The following ARHGAP20 variants were observed in gnomAD, a reference collection of about 807,000 sequenced individuals.
ARHGAP20 encodes rho GTPase-activating protein 20.
ARHGAP20 carries 34 observed loss-of-function variants against 73.7 expected under a neutral mutation model. The observed-to-expected ratio is 0.46, with a 90% confidence interval of 0.35 to 0.61. The LOEUF (loss-of-function observed/expected upper bound fraction) is 0.61, where lower values mean the gene tolerates loss of function less well. ARHGAP20 is among the 20% of genes least tolerant of loss of function. The pLI is 0.00. For synonymous variants in ARHGAP20, 523 were observed against 518.2 expected (o/e 1.01, Z -0.13); for missense variants, 1,314 against 1,420.9 (o/e 0.92, Z 1.21).
intron 2 of ARHGAP20, among the ~76,000 whole-genome samples, chr11:110,649,949 G>A (rs1297414387): frequency 6.6e-6 from 1 of 152,004 alleles, no homozygotes; most frequent in East Asian, 1.9e-4. Context: ...AAACTCCATA[G>A]CTTATGTTTA....
chr11:110,695,144 C>T (rs1363854873), intron 1 of ARHGAP20, among the ~76,000 whole-genome samples: 1 of 151,510 alleles, frequency 6.6e-6, no homozygotes, highest in African/African-American at 2.4e-5. Context: ...GGGATATCCA[C>T]ATACAAAAGA....
At chr11:110,672,313 A>C (rs1302276492) in intron 2 of ARHGAP20, among the ~76,000 whole-genome samples, 3 of 152,350 alleles carry the variant, frequency 2.0e-5, no homozygotes, top group Middle Eastern at 3.4e-3. Flanking sequence ...CTACAAGTTT[A>C]CACATTAAAA....
chr11:110,604,467 G>C (rs1948177478), intron 9 of ARHGAP20, among the ~76,000 whole-genome samples: 1 of 152,132 alleles, frequency 6.6e-6, no homozygotes, highest in South Asian at 2.1e-4. Flanking sequence ...TAGGATTCCT[G>C]ATTTCTGATT....
chr11:110,687,035 CATATATATATAT>C (rs142490183), intron 2 of ARHGAP20, among the ~76,000 whole-genome samples: 7 of 122,014 alleles, frequency 5.7e-5, no homozygotes, highest in Middle Eastern at 8.2e-3. Context: ...AAGATTAAAA[CATATATATATAT>C]ATATATATAG....
intron 2 of ARHGAP20, among the ~76,000 whole-genome samples, chr11:110,672,973 C>A (rs1407716596): frequency 6.6e-6 from 1 of 152,116 alleles, no homozygotes; most frequent in African/African-American, 2.4e-5. Context: ...TCTCAAATAT[C>A]TCTCAACAGA....
At chr11:110,637,363 C>T (rs751570107) in intron 2 of ARHGAP20, among the ~76,000 whole-genome samples, 6 of 151,962 alleles carry the variant, frequency 3.9e-5, no homozygotes, top group Non-Finnish European at 8.8e-5. Flanking sequence ...GGTCACTGAC[C>T]GATAACTGTT....
chr11:110,680,096 T>A (rs916442561), intron 2 of ARHGAP20, among the ~76,000 whole-genome samples: 3 of 152,170 alleles, frequency 2.0e-5, no homozygotes, highest in African/African-American at 7.2e-5. Flanking sequence ...ATATTTTTAA[T>A]AATTTTATTT....
intron 13 of ARHGAP20, 77 bp from the exon 14 acceptor site, chr11:110,582,512 A>AT (rs1453833246): frequency 2.0e-6 from 2 of 992,820 alleles, no homozygotes; most frequent in Non-Finnish European, 3.1e-6. Context: ...ATAAATCCTG[A>AT]TTTTTAACAA....
intron 9 of ARHGAP20, among the ~76,000 whole-genome samples, chr11:110,593,684 A>AG (rs1379344920): frequency 1.3e-5 from 2 of 152,204 alleles, no homozygotes; most frequent in African/African-American, 4.8e-5. Flanking sequence ...CTGGAAAGTG[A>AG]GGGGGGATCC....
chr11:110,670,246 A>G (rs1949802212), intron 2 of ARHGAP20, among the ~76,000 whole-genome samples: 1 of 152,124 alleles, frequency 6.6e-6, no homozygotes, highest in Non-Finnish European at 1.5e-5. Flanking sequence ...AAATAAATCA[A>G]TGAAATATAA....
chr11:110,667,342 T>C (rs1949742712), intron 2 of ARHGAP20, among the ~76,000 whole-genome samples: 1 of 152,196 alleles, frequency 6.6e-6, no homozygotes, highest in African/African-American at 2.4e-5. Flanking sequence ...TTCTGCTAAA[T>C]CTACTCTGCT....
At chr11:110,690,522 G>A in intron 2 of ARHGAP20, 25 bp downstream of exon 2, 1 of 1,590,406 alleles carries the variant, frequency 6.3e-7, no homozygotes, top group Non-Finnish European at 8.6e-7. Flanking sequence ...CATACTGAAT[G>A]TGTAATACAA....
intron 1 of ARHGAP20, 118 bp downstream of exon 1, chr11:110,712,009 C>G: frequency 2.4e-6 from 3 of 1,240,258 alleles, no homozygotes; most frequent in Non-Finnish European, 1.0e-6. Flanking sequence ...CCGCGAGCCT[C>G]GAGCGTCAAA....
At chr11:110,702,749 T>G (rs11213547) in intron 1 of ARHGAP20, among the ~76,000 whole-genome samples, 3 of 151,816 alleles carry the variant, frequency 2.0e-5, no homozygotes, top group Non-Finnish European at 4.4e-5. Context: ...AACAGACAAA[T>G]AGAGAGCCAA....
At chr11:110,697,177 A>G (rs554116593) in intron 1 of ARHGAP20, among the ~76,000 whole-genome samples, 4 of 151,898 alleles carry the variant, frequency 2.6e-5, no homozygotes, top group Admixed American at 2.6e-4. Context: ...ATTGTTTACC[A>G]TAGATATTGA....
At chr11:110,635,757 A>T (rs955695482) in intron 2 of ARHGAP20, among the ~76,000 whole-genome samples, 1 of 152,068 alleles carries the variant, frequency 6.6e-6, no homozygotes, top group Non-Finnish European at 1.5e-5. Flanking sequence ...AATTAAGCAG[A>T]GAACAAAGAA....
At chr11:110,675,884 A>T (rs1485961644) in intron 2 of ARHGAP20, among the ~76,000 whole-genome samples, 2 of 152,184 alleles carry the variant, frequency 1.3e-5, no homozygotes, top group Non-Finnish European at 1.5e-5. Context: ...TAGTCTATTC[A>T]AGAAATTTAC....
Position 110,704,256 on chromosome 11 carries a change from T to C in ARHGAP20, c.105+7871A>G, listed in dbSNP as rs190008050. ...ATAAAAACATTCTCCTAGGTGTAAA[T>C]TAGGACTCAGGTAAATAAGGAAAGC... On this transcript the variant is annotated intron_variant, in intron 1 of 14. Coordinates refer to ENST00000683387, the MANE Select transcript of ARHGAP20 (RefSeq NM_001384657.1). Among the ~76,000 whole-genome samples, 914 of 152,244 alleles carry C rather than the reference T, an allele frequency of 6.0e-3. 8 individuals carry two copies. Among genetic ancestry groups the C allele is most frequent in the Middle Eastern group, 0.014 (4 of 294 alleles).
At chr11:110,663,960 T>C (rs1315508236) in intron 2 of ARHGAP20, among the ~76,000 whole-genome samples, 2 of 152,204 alleles carry the variant, frequency 1.3e-5, no homozygotes, top group South Asian at 2.1e-4. Flanking sequence ...AATTAATCAA[T>C]ATAATTCACA....
Sources: allele counts gnomAD v4.1 joint callset (sites outside exome capture counted in the v4.1 genomes callset), GRCh38; gene constraint gnomAD v4.1.1; transcripts MANE v1.5; gene names NCBI Gene and HGNC (gene_info 2026-07-23, HGNC 2026-07-21).